The following UBE2F variants were observed in gnomAD, a reference collection of about 807,000 sequenced individuals.
UBE2F encodes ubiquitin conjugating enzyme E2 F (putative).
In UBE2F, 5 loss-of-function variants were observed where a neutral mutation model predicts 29.6. The observed-to-expected ratio is 0.17, with a 90% confidence interval of 0.09 to 0.36. UBE2F has a LOEUF of 0.36. UBE2F is among the 10% of genes least tolerant of loss of function. The pLI is 1.00. For missense variants in UBE2F, 141 were observed against 228.5 expected (o/e 0.62, Z 2.47); for synonymous variants, 66 against 81.8 (o/e 0.81, Z 1.04).
chr2:238,001,746 G>A (rs2063797866), intron 4 of UBE2F, among the ~76,000 whole-genome samples: 2 of 152,112 alleles, frequency 1.3e-5, no homozygotes, highest in Non-Finnish European at 2.9e-5. Flanking sequence ...CGTGAACCCA[G>A]GAGGTGGAGC....
At chr2:238,004,912 A>G (rs1186455774) in intron 4 of UBE2F, among the ~76,000 whole-genome samples, 2 of 152,214 alleles carry the variant, frequency 1.3e-5, no homozygotes, top group African/African-American at 4.8e-5. Context: ...GGAAGGGCCC[A>G]TGAGCCCTGG....
At chr2:238,023,291 T>G (rs1039780524) in intron 5 of UBE2F, among the ~76,000 whole-genome samples, 1 of 152,228 alleles carries the variant, frequency 6.6e-6, no homozygotes, top group Non-Finnish European at 1.5e-5. Flanking sequence ...TCCTTTCTAT[T>G]AAATACATTC....
At chr2:238,004,467 G>C (rs2063860800) in intron 4 of UBE2F, among the ~76,000 whole-genome samples, 1 of 151,884 alleles carries the variant, frequency 6.6e-6, no homozygotes, top group Admixed American at 6.6e-5. Context: ...TCTTTTATCA[G>C]ATGTGTTTTA....
In UBE2F at chr2:238,018,863, G is replaced by T. The variant is rs1040793644; in HGVS notation, c.282+2230G>T. Among the ~76,000 whole-genome samples, 3 of 152,324 alleles carry T rather than the reference G, an allele frequency of 2.0e-5. No homozygotes were observed. In the South Asian group the frequency reaches 6.2e-4, roughly 32 times the overall value. Reference sequence around the variant, plus strand: ...TGCCCTTCCTACCACATCAGGTGGTGAGAAAATGTTTGTCATACTGTCTTG... The same window carrying T: ...TGCCCTTCCTACCACATCAGGTGGTTAGAAAATGTTTGTCATACTGTCTTG... On this transcript the variant is annotated intron_variant, in intron 5 of 9. Coordinates refer to ENST00000272930, the MANE Select transcript of UBE2F (RefSeq NM_080678.3).
In UBE2F at chr2:237,982,264, C is replaced by T. The variant is rs554673655; in HGVS notation, c.119-5699C>T. ...CTGGCCCCTGAGTGCCTCTTGCTCCCGCACCCCTATCCCCGTAGGAGAAGG... is the reference window on the plus strand; with the variant it reads ...CTGGCCCCTGAGTGCCTCTTGCTCCTGCACCCCTATCCCCGTAGGAGAAGG... On this transcript the variant is annotated intron_variant, in intron 2 of 9. Coordinates refer to ENST00000272930, the MANE Select transcript of UBE2F (RefSeq NM_080678.3). This position sits in a 1 kb window ranked among gnomAD's most constrained non-coding sequence, Gnocchi z 4.1. 1.4e-4 allele frequency among the ~76,000 whole-genome samples: 21 copies of T among 152,184 alleles called. No individual in the cohort carries two copies. Among genetic ancestry groups the T allele is most frequent in the Admixed American group, 8.5e-4 (13 of 15,288 alleles).
intron 4 of UBE2F, among the ~76,000 whole-genome samples, chr2:238,003,800 TTAGA>T (rs1431142493): frequency 6.6e-6 from 1 of 152,198 alleles, no homozygotes; most frequent in African/African-American, 2.4e-5. Flanking sequence ...TTTGCCATTC[TTAGA>T]TAGACAGCTC....
At chr2:237,981,332 C>A (rs1251477846) in intron 2 of UBE2F, among the ~76,000 whole-genome samples, 2 of 152,242 alleles carry the variant, frequency 1.3e-5, no homozygotes, top group East Asian at 3.9e-4. Flanking sequence ...AAACTTCTTA[C>A]CATTTGTGAC....
chr2:237,990,436 T>C (rs1486245992), intron 3 of UBE2F: 4 of 452,762 alleles, frequency 8.8e-6, no homozygotes, highest in African/African-American at 2.0e-5. Context: ...AGGGTCTCTC[T>C]TTGTTGCCCA....
chr2:238,041,126 C>T (rs1043838723), intron 9 of UBE2F, among the ~76,000 whole-genome samples, 162 bp from the exon 10 acceptor site: 5 of 152,140 alleles, frequency 3.3e-5, no homozygotes, highest in Non-Finnish European at 7.4e-5. Context: ...CAGGTCGTGG[C>T]GAAATGGCAC....
chr2:237,999,113 C>T (rs7603149), intron 4 of UBE2F, among the ~76,000 whole-genome samples: 44,790 of 151,530 alleles, frequency 0.3, 8,235 homozygotes, highest in Admixed American at 0.41. Context: ...GACAGAGTCT[C>T]GCTCTGTCAC....
chr2:238,002,063 AT>A (rs10695548), intron 4 of UBE2F, among the ~76,000 whole-genome samples: 24 of 126,182 alleles, frequency 1.9e-4, no homozygotes, highest in African/African-American at 3.0e-4. Flanking sequence ...GAATATCCCA[AT>A]TTTTTTTTTT....
At chr2:238,010,516 G>A (rs2064000353) in intron 4 of UBE2F, among the ~76,000 whole-genome samples, 1 of 152,212 alleles carries the variant, frequency 6.6e-6, no homozygotes, top group Non-Finnish European at 1.5e-5. Flanking sequence ...AGACTCTTAG[G>A]TGTTAAACAT....
chr2:237,986,080 CTGTT>C, intron 2 of UBE2F: 1 of 285,816 alleles, frequency 3.5e-6, no homozygotes, highest in Non-Finnish European at 6.9e-6. Flanking sequence ...AGATATTAAT[CTGTT>C]TGTCGAATAT....
rs1380187228 is a variant in UBE2F at position 238,005,603 on chromosome 2, T to TG, written c.214+10796dup. On this transcript the variant is annotated intron_variant, in intron 4 of 9. Transcript: ENST00000272930. ...TATACAAGAGAAGAGTGTAGTTTTC[T>TG]GGTTTTTTTTTTCTATCTCTTTTTT... 6.5e-3 allele frequency among the ~76,000 whole-genome samples: 321 copies of TG among 49,620 alleles called. 2 individuals carry two copies. Among genetic ancestry groups the TG allele is most frequent in the East Asian group, 0.061 (37 of 604 alleles). The allele number at this position is 49,620 out of a possible 152,430, so 32.6% of individuals were successfully genotyped here.
intron 6 of UBE2F, among the ~76,000 whole-genome samples, chr2:238,027,148 A>G (rs2064451428): frequency 6.6e-6 from 1 of 152,268 alleles, no homozygotes; most frequent in South Asian, 2.1e-4. Flanking sequence ...AAGGATGAAC[A>G]GATGGTATCC....
intron 1 of UBE2F, among the ~76,000 whole-genome samples, chr2:237,972,658 C>T (rs1285925210): frequency 6.6e-6 from 1 of 150,800 alleles, no homozygotes; most frequent in Non-Finnish European, 1.5e-5. Flanking sequence ...TCAAGGGATC[C>T]TCCTACCTCA....
rs1364445562 is a variant in UBE2F at position 238,027,731 on chromosome 2, C to A, written c.353+2319C>A. 2.0e-5 allele frequency among the ~76,000 whole-genome samples: 3 copies of A among 152,282 alleles called. No homozygotes were observed. The South Asian group carries it at 6.2e-4, about 32-fold the overall frequency. On this transcript the variant is annotated intron_variant, in intron 6 of 9. Transcript: ENST00000272930. ...CCAGTGGCAGCTTTATGGTGTGTCC[C>A]GAATAAAGGGAAGGAAAAGCCCAAC... is the stretch of plus-strand genomic sequence containing the variant.
At chr2:237,986,201 G>A (rs1314752357) in intron 2 of UBE2F, 1 of 348,418 alleles carries the variant, frequency 2.9e-6, no homozygotes, top group East Asian at 9.7e-5. Context: ...GTGGTGTAGA[G>A]CGCAGTGGTG....
chr2:237,976,894 C>T (rs1424556613), intron 2 of UBE2F, among the ~76,000 whole-genome samples: 2 of 152,140 alleles, frequency 1.3e-5, no homozygotes, highest in East Asian at 3.9e-4. Context: ...GCCCAGTTTG[C>T]GGGTTTATTG....
Sources: allele counts gnomAD v4.1 joint callset (sites outside exome capture counted in the v4.1 genomes callset), GRCh38; gene constraint gnomAD v4.1.1; non-coding constraint Gnocchi (gnomAD v3.1); transcripts MANE v1.5; gene names NCBI Gene and HGNC (gene_info 2026-07-23, HGNC 2026-07-21).